Variants in MIPEP observed in about 807,000 individuals in gnomAD.
The protein encoded by MIPEP is mitochondrial intermediate peptidase.
Under a neutral mutation model 90.3 loss-of-function variants are expected in MIPEP, and 79 were observed. The ratio of observed to expected loss-of-function variants is 0.87; its 90% CI spans 0.73 to 1.05. The LOEUF (loss-of-function observed/expected upper bound fraction) is 1.05, where lower values mean the gene tolerates loss of function less well. MIPEP is among the 50% of genes least tolerant of loss of function. The pLI, the probability that MIPEP is intolerant of heterozygous loss-of-function variation, is 0.00. For missense variants in MIPEP, 940 were observed against 905.6 expected (o/e 1.04, Z -0.49); for synonymous variants, 334 against 315.8 (o/e 1.06, Z -0.61).
chr13:23,799,881 T>C (rs772995523), intron 16 of MIPEP, among the ~76,000 whole-genome samples: 1 of 152,240 alleles, frequency 6.6e-6, no homozygotes, highest in Non-Finnish European at 1.5e-5. Context: ...GATGGTGAAT[T>C]TTAAATTGTG....
chr13:23,736,370 G>A (rs573856392), intron 18 of MIPEP, among the ~76,000 whole-genome samples: 1 of 152,306 alleles, frequency 6.6e-6, no homozygotes, highest in East Asian at 1.9e-4. Context: ...GAGGGACAGA[G>A]AATATATAAA....
chr13:23,828,873 C>A (rs1212542148), intron 14 of MIPEP, among the ~76,000 whole-genome samples: 1 of 152,202 alleles, frequency 6.6e-6, no homozygotes, highest in East Asian at 1.9e-4. Flanking sequence ...AAGAACAAAT[C>A]GAGGAAGGCC....
chr13:23,761,021 C>T (rs1228620261), intron 16 of MIPEP, among the ~76,000 whole-genome samples: 1 of 151,754 alleles, frequency 6.6e-6, no homozygotes, highest in East Asian at 1.9e-4. Context: ...CATGTTTTTA[C>T]CATAATTACA....
At chr13:23,888,604 T>C (rs1293748669) in intron 1 of MIPEP, 3 of 712,994 alleles carry the variant, frequency 4.2e-6, no homozygotes, top group Non-Finnish European at 5.2e-6. Flanking sequence ...TTTTGTGTTT[T>C]AAAACAAGAA....
intron 14 of MIPEP, among the ~76,000 whole-genome samples, chr13:23,835,558 G>A (rs1868996885): frequency 6.6e-6 from 1 of 152,088 alleles, no homozygotes; most frequent in African/African-American, 2.4e-5. Context: ...CATACAGTCT[G>A]AGGGGGAAAA....
In MIPEP at chr13:23,756,519, ATGGTGCCATTT is replaced by A. The variant is rs760991299; in HGVS notation, c.2044+15_2044+25del. 3 of 1,605,652 alleles carry A rather than the reference ATGGTGCCATTT, an allele frequency of 1.9e-6. No individual in the cohort carries two copies. The highest frequency in any genetic ancestry group is 2.6e-6 in the Non-Finnish European group (3 of 1,172,394). Reference sequence around the variant, plus strand: ...AAACATAAATCAGCTTTCATTATAGATGGTGCCATTTTGGTTTTGTTTTACCTTCAACCATG... The same window carrying A: ...AAACATAAATCAGCTTTCATTATAGATGGTTTTGTTTTACCTTCAACCATG... On this transcript the variant is annotated intron_variant, in intron 18 of 18. Transcript: ENST00000382172.
intron 17 of MIPEP, 79 bp from the exon 18 acceptor site, chr13:23,756,697 C>A: frequency 1.5e-6 from 2 of 1,346,304 alleles, no homozygotes; most frequent in Non-Finnish European, 2.1e-6. Flanking sequence ...CAAAGAAAGC[C>A]ACACTGATGC....
At chr13:23,879,494 A>T (rs1011962937) in intron 3 of MIPEP, 140 bp from the exon 4 acceptor site, 48 of 568,048 alleles carry the variant, frequency 8.4e-5, no homozygotes, top group Non-Finnish European at 1.1e-4. Context: ...CAGTGTAACC[A>T]TCCTTCCTTC....
intron 18 of MIPEP, among the ~76,000 whole-genome samples, chr13:23,734,657 C>T (rs61946396): frequency 0.022 from 3,321 of 152,218 alleles, 66 homozygotes; most frequent in Non-Finnish European, 0.035. Context: ...AACTGAACCA[C>T]ACATGGACAC....
At chr13:23,734,383 C>T (rs1445522539) in intron 18 of MIPEP, among the ~76,000 whole-genome samples, 2 of 152,196 alleles carry the variant, frequency 1.3e-5, no homozygotes, top group African/African-American at 2.4e-5. Context: ...CACCACTCAT[C>T]GGAGCCACAT....
chr13:23,822,903 T>G (rs1953324920), intron 14 of MIPEP, among the ~76,000 whole-genome samples: 1 of 151,866 alleles, frequency 6.6e-6, no homozygotes, highest in African/African-American at 2.4e-5. Context: ...TTTTTTTTTT[T>G]GAGACAGAGT....
At chr13:23,767,827 G>A (rs754019070) in intron 16 of MIPEP, among the ~76,000 whole-genome samples, 47 of 152,096 alleles carry the variant, frequency 3.1e-4, no homozygotes, top group Non-Finnish European at 5.6e-4. Flanking sequence ...TGAAAAGAGC[G>A]ATTTGCCCAA....
intron 16 of MIPEP, among the ~76,000 whole-genome samples, chr13:23,783,904 G>A (rs1952808721): frequency 6.6e-6 from 1 of 152,080 alleles, no homozygotes; most frequent in Non-Finnish European, 1.5e-5. Flanking sequence ...AGGATGTGAA[G>A]GACCTCTTCA....
chr13:23,841,547 A>G (rs1869299661), intron 10 of MIPEP, 59 bp from the exon 11 acceptor site: 3 of 1,500,612 alleles, frequency 2.0e-6, no homozygotes, highest in Non-Finnish European at 2.7e-6. Flanking sequence ...CTGAAGGTAA[A>G]TTCAATTAAC....
rs568544710 is a variant in MIPEP, at chr13:23,866,696, C to G, written c.944-2507G>C. On this transcript the variant is annotated intron_variant, in intron 7 of 18. Coordinates refer to ENST00000382172, the MANE Select transcript of MIPEP (RefSeq NM_005932.4). ...CCTCTTAAACTTGAAGGCCCCAGAG[C>G]GCAGTCCTTGGACTTGTTCTTTAAG... 4.6e-5 allele frequency among the ~76,000 whole-genome samples: 7 copies of G among 152,304 alleles called. No individual in the cohort carries two copies. The East Asian group carries it at 9.6e-4, about 21-fold the overall frequency.
chr13:23,826,105 A>G (rs558681406), intron 14 of MIPEP, among the ~76,000 whole-genome samples: 1 of 152,298 alleles, frequency 6.6e-6, no homozygotes, highest in South Asian at 2.1e-4. Flanking sequence ...TATAAAGATT[A>G]AGAGGATAAC....
intron 2 of MIPEP, among the ~76,000 whole-genome samples, chr13:23,883,812 T>C (rs1365617100): frequency 2.0e-5 from 3 of 152,226 alleles, no homozygotes; most frequent in African/African-American, 7.2e-5. Flanking sequence ...GAACAGGGTA[T>C]GAAACCTCCT....
chr13:23,809,121 C>T (rs1953143791), intron 15 of MIPEP, among the ~76,000 whole-genome samples: 1 of 152,208 alleles, frequency 6.6e-6, no homozygotes, highest in African/African-American at 2.4e-5. Context: ...TTCTGGTCTT[C>T]ATCTCAAAAC....
intron 16 of MIPEP, among the ~76,000 whole-genome samples, chr13:23,781,594 A>G (rs1052294339): frequency 6.6e-6 from 1 of 152,162 alleles, no homozygotes; most frequent in Non-Finnish European, 1.5e-5. Flanking sequence ...GATCAAATTC[A>G]CACATAATAA....
Sources: allele counts gnomAD v4.1 joint callset (sites outside exome capture counted in the v4.1 genomes callset), GRCh38; gene constraint gnomAD v4.1.1; transcripts MANE v1.5; gene names NCBI Gene and HGNC (gene_info 2026-07-23, HGNC 2026-07-21).